MAP2: variants seen among roughly 807,000 people sequenced by gnomAD.
The protein encoded by MAP2 is microtubule associated protein 2.
Under a neutral mutation model 137.6 loss-of-function variants are expected in MAP2, and 14 were observed. The observed-to-expected ratio is 0.10, with a 90% confidence interval of 0.07 to 0.16. The LOEUF is 0.16. Ranked by LOEUF, MAP2 falls within the 10% of genes least tolerant of loss-of-function variation. The pLI is 1.00. For synonymous variants in MAP2, 786 were observed against 782.3 expected (o/e 1.00, Z -0.08); for missense variants, 2,088 against 2,191.5 (o/e 0.95, Z 0.94).
chr2:209,595,213 G>A (rs116381121), intron 3 of MAP2, among the ~76,000 whole-genome samples: 9,104 of 152,210 alleles, frequency 0.06, 640 homozygotes, highest in South Asian at 0.23. Flanking sequence ...GCGGTTTGGC[G>A]TAGAATATAT....
At chr2:209,648,694 C>G (rs56140774) in intron 4 of MAP2, among the ~76,000 whole-genome samples, 1 of 143,948 alleles carries the variant, frequency 6.9e-6, no homozygotes, top group African/African-American at 2.6e-5. Flanking sequence ...GAGGCTGAGG[C>G]AGGAGAATCA....
intron 2 of MAP2, among the ~76,000 whole-genome samples, chr2:209,547,842 G>C (rs1189588290): frequency 6.6e-6 from 1 of 152,114 alleles, no homozygotes; most frequent in Admixed American, 6.5e-5. Flanking sequence ...TGTTTCCATT[G>C]CATAGAACTC....
chr2:209,642,367 C>T (rs776311632), intron 4 of MAP2, among the ~76,000 whole-genome samples: 5 of 149,908 alleles, frequency 3.3e-5, no homozygotes, highest in Non-Finnish European at 7.4e-5. Context: ...TTTGAGACTG[C>T]AGCGAGCTAT....
intron 1 of MAP2, among the ~76,000 whole-genome samples, chr2:209,506,454 A>C (rs1412132071): frequency 6.6e-6 from 1 of 152,180 alleles, no homozygotes; most frequent in Non-Finnish European, 1.5e-5. Flanking sequence ...GCTGTTTTCT[A>C]TCCAGTTAAC....
chr2:209,583,761 C>T lies in MAP2; in HGVS notation c.-107+3661C>T, dbSNP rs867172389. Among the ~76,000 whole-genome samples the T allele has an allele frequency of 4.4e-5, 4 of 90,518 alleles. No homozygotes were observed. The South Asian group carries it at 2.0e-3, about 45-fold the overall frequency. The allele number at this position is 90,518 out of a possible 152,430, so 59.4% of individuals were successfully genotyped here. A position where few individuals can be genotyped will look rare whatever the true frequency, so the allele number is the denominator to read the frequency against. On this transcript the variant is annotated intron_variant, in intron 3 of 15. Coordinates refer to ENST00000682079, the MANE Select transcript of MAP2 (RefSeq NM_001375505.1). ...AGGCTCACTGGTACCGTAAGAGAGA[C>T]ATAAATGATTTTTTTTTTTTCAGAT...
intron 4 of MAP2, among the ~76,000 whole-genome samples, chr2:209,626,479 T>A (rs1161693480): frequency 6.6e-6 from 1 of 152,146 alleles, no homozygotes; most frequent in African/African-American, 2.4e-5. Flanking sequence ...AATGCTAACA[T>A]GCAGCTATAT....
intron 1 of MAP2, among the ~76,000 whole-genome samples, chr2:209,493,966 A>C (rs1187593878): frequency 6.6e-6 from 1 of 152,224 alleles, no homozygotes; most frequent in Non-Finnish European, 1.5e-5. Context: ...TCATTCTACC[A>C]TAAAGACACA....
At chr2:209,662,985 C>A (rs1014758209) in intron 5 of MAP2, among the ~76,000 whole-genome samples, 8 of 151,592 alleles carry the variant, frequency 5.3e-5, no homozygotes, top group African/African-American at 1.7e-4. Context: ...TATATATATT[C>A]TTTGATTATA....
chr2:209,630,864 C>T (rs1482374177), intron 4 of MAP2, among the ~76,000 whole-genome samples: 3 of 151,144 alleles, frequency 2.0e-5, no homozygotes, highest in African/African-American at 7.3e-5. Flanking sequence ...TCATGAAAAC[C>T]CTATTACTGA....
chr2:209,588,732 C>T (rs951669971), intron 3 of MAP2, among the ~76,000 whole-genome samples: 2 of 151,864 alleles, frequency 1.3e-5, no homozygotes, highest in East Asian at 1.9e-4. Context: ...CCAAGAGCCA[C>T]CAATTAACAT....
At chr2:209,495,176 C>T (rs1382653757) in intron 1 of MAP2, among the ~76,000 whole-genome samples, 1 of 152,238 alleles carries the variant, frequency 6.6e-6, no homozygotes, top group African/African-American at 2.4e-5. Context: ...AGAAAGGCAG[C>T]AGCCCTAGTC....
chr2:209,636,519 G>A (rs1260828064), intron 4 of MAP2, among the ~76,000 whole-genome samples: 2 of 151,042 alleles, frequency 1.3e-5, no homozygotes, highest in East Asian at 1.9e-4. Context: ...AAAAGCAAGG[G>A]GGATTGAAAA....
At chr2:209,726,763 C>G (rs1043499205) in intron 14 of MAP2, among the ~76,000 whole-genome samples, 1 of 152,018 alleles carries the variant, frequency 6.6e-6, no homozygotes, top group Non-Finnish European at 1.5e-5. Context: ...GACCTTGTCA[C>G]AAAGAAAAAA....
intron 5 of MAP2, among the ~76,000 whole-genome samples, chr2:209,659,752 TCA>T (rs1372806501): frequency 6.6e-6 from 1 of 151,324 alleles, no homozygotes; most frequent in Non-Finnish European, 1.5e-5. Context: ...AAAATGCTGA[TCA>T]CAGACCGGGC....
At chr2:209,711,266 T>C (rs936095606) in intron 13 of MAP2, among the ~76,000 whole-genome samples, 2 of 152,154 alleles carry the variant, frequency 1.3e-5, no homozygotes, top group African/African-American at 4.8e-5. Flanking sequence ...CTGGTATCTC[T>C]CCTTCATGCC....
intron 7 of MAP2, among the ~76,000 whole-genome samples, chr2:209,684,364 C>T (rs2056153860): frequency 6.6e-6 from 1 of 152,200 alleles, no homozygotes; most frequent in African/African-American, 2.4e-5. Context: ...TAACAGTCAG[C>T]AGACTGAGAA....
At chr2:209,701,492 AATG>A (rs760433237) in intron 11 of MAP2, among the ~76,000 whole-genome samples, 37 of 152,056 alleles carry the variant, frequency 2.4e-4, no homozygotes, top group Non-Finnish European at 8.8e-5. Flanking sequence ...AAATAATTTG[AATG>A]ATATTAATTA....
intron 4 of MAP2, among the ~76,000 whole-genome samples, chr2:209,642,428 G>GA (rs202048552): frequency 0.035 from 3,960 of 114,782 alleles, 65 homozygotes; most frequent in Middle Eastern, 0.043. Context: ...CCCTGTCTTT[G>GA]AAAAAAAAAA....
chr2:209,512,391 A>AAAAC (rs71043936), intron 2 of MAP2, among the ~76,000 whole-genome samples: 8,725 of 151,876 alleles, frequency 0.057, 276 homozygotes, highest in South Asian at 0.091. Context: ...TTGATCCTTG[A>AAAAC]AAACAAACAA....
Sources: allele counts gnomAD v4.1 joint callset (sites outside exome capture counted in the v4.1 genomes callset), GRCh38; gene constraint gnomAD v4.1.1; transcripts MANE v1.5; gene names NCBI Gene and HGNC (gene_info 2026-07-23, HGNC 2026-07-21).